RAB5C: variants seen among roughly 807,000 people sequenced by gnomAD.
RAB5C encodes the protein RAB5C, member RAS oncogene family.
Under a neutral mutation model 25.2 loss-of-function variants are expected in RAB5C, and 4 were observed. The ratio of observed to expected loss-of-function variants is 0.16; its 90% CI spans 0.08 to 0.36. The LOEUF (loss-of-function observed/expected upper bound fraction) is 0.36. RAB5C is among the 10% of genes least tolerant of loss of function. The pLI is 1.00. For missense variants in RAB5C, 199 were observed against 283.8 expected (o/e 0.70, Z 2.15); for synonymous variants, 100 against 106.4 (o/e 0.94, Z 0.37).
intron 1 of RAB5C, among the ~76,000 whole-genome samples, chr17:42,135,999 G>C (rs2054532986): frequency 6.6e-6 from 1 of 152,178 alleles, no homozygotes; most frequent in East Asian, 1.9e-4. Context: ...TCCCCTGCAG[G>C]TGCTTCTGAC....
intron 1 of RAB5C, among the ~76,000 whole-genome samples, chr17:42,143,530 A>T (rs747672478): frequency 6.6e-6 from 1 of 152,016 alleles, no homozygotes. Flanking sequence ...CCAGCTACTC[A>T]GGAGGTTGAG....
intron 1 of RAB5C, among the ~76,000 whole-genome samples, chr17:42,140,548 G>A (rs1249943763): frequency 2.5e-4 from 30 of 118,438 alleles, no homozygotes; most frequent in Non-Finnish European, 3.4e-5. Context: ...TTTTGAGATG[G>A]AGTCTCGCTC....
In RAB5C at chr17:42,131,702, A is replaced by G. The variant is rs1480881583; in HGVS notation, c.-88-1112T>C. 5 of 1,244,770 alleles carry G rather than the reference A, an allele frequency of 4.0e-6. No individual in the cohort carries two copies. The East Asian group carries it at 1.3e-4, about 32-fold the overall frequency. The allele number at this position is 1,244,770 out of a possible 1,614,324, so 77.1% of individuals were successfully genotyped here. The stretch of plus-strand genomic sequence containing the variant: ...AGAGACCAAGTCCTGCATCCCCAAC[A>G]GCTGGTGTTCCAGTCCCGACATCTG... On this transcript the variant is annotated intron_variant, in intron 1 of 5. Transcript: ENST00000346213.
rs1192003937 is a variant in RAB5C, at chr17:42,153,640, A to AC, written c.-89+1252_-89+1253insG. On this transcript the variant is annotated intron_variant, in intron 1 of 5. Transcript: ENST00000346213. ...GGCTTTCCGTCCCTTCCTCCACTGTAGATAGCAAGGGTCAGTCATGGCCTC... is the reference window on the plus strand; with the variant it reads ...GGCTTTCCGTCCCTTCCTCCACTGTACGATAGCAAGGGTCAGTCATGGCCTC... Among the ~76,000 whole-genome samples, 3 of 152,282 alleles carry AC rather than the reference A, an allele frequency of 2.0e-5. No individual in the cohort carries two copies. In the East Asian group the frequency reaches 5.8e-4, roughly 29 times the overall value.
intron 1 of RAB5C, among the ~76,000 whole-genome samples, chr17:42,146,711 T>A (rs2079637223): frequency 6.7e-6 from 1 of 148,178 alleles, no homozygotes; most frequent in Non-Finnish European, 1.5e-5. Context: ...ATGGCATCAC[T>A]GCACTCCAGC....
At chr17:42,139,724 T>C (rs559645055) in intron 1 of RAB5C, among the ~76,000 whole-genome samples, 1 of 152,276 alleles carries the variant, frequency 6.6e-6, no homozygotes, top group South Asian at 2.1e-4. Flanking sequence ...GATTCTCTAC[T>C]CCTGTCTAGG....
At chr17:42,138,351 G>C (rs927407930) in intron 1 of RAB5C, among the ~76,000 whole-genome samples, 3 of 152,194 alleles carry the variant, frequency 2.0e-5, no homozygotes, top group African/African-American at 7.2e-5. Context: ...AAGCTTAAGA[G>C]CCCAGGGTGA....
intron 1 of RAB5C, among the ~76,000 whole-genome samples, chr17:42,147,360 A>G (rs1217735300): frequency 6.6e-6 from 1 of 152,196 alleles, no homozygotes; most frequent in Non-Finnish European, 1.5e-5. Context: ...GCAGACATAC[A>G]GAACAGTATC....
At chr17:42,139,678 T>A (rs1480619896) in intron 1 of RAB5C, among the ~76,000 whole-genome samples, 2 of 152,194 alleles carry the variant, frequency 1.3e-5, no homozygotes, top group Admixed American at 1.3e-4. Flanking sequence ...GTCAGGATGG[T>A]CTCGATTTCC....
chr17:42,146,543 G>A (rs1309774943), intron 1 of RAB5C, among the ~76,000 whole-genome samples: 2 of 152,186 alleles, frequency 1.3e-5, no homozygotes, highest in Non-Finnish European at 2.9e-5. Flanking sequence ...AAAGTCAAGA[G>A]ATCAAGACCA....
In RAB5C at chr17:42,153,932, C is replaced by A. The variant is rs180955478; in HGVS notation, c.-89+961G>T. 5.9e-3 allele frequency among the ~76,000 whole-genome samples: 893 copies of A among 152,290 alleles called. 7 individuals are homozygous for A. Among genetic ancestry groups the A allele is most frequent in the African/African-American group, 0.02 (839 of 41,544 alleles). ...TGAAGGGATTGCAGACAGACCCTGG[C>A]GTGGTGTGGACCTGTTGCTCAGGGA... On this transcript the variant is annotated intron_variant, in intron 1 of 5. Transcript: ENST00000346213.
At chr17:42,146,880 C>G (rs2079638369) in intron 1 of RAB5C, among the ~76,000 whole-genome samples, 1 of 151,870 alleles carries the variant, frequency 6.6e-6, no homozygotes, top group African/African-American at 2.4e-5. Context: ...GTGGCAGGAG[C>G]CTGTAGTCCC....
chr17:42,131,497 G>T, intron 1 of RAB5C: 1 of 1,087,142 alleles, frequency 9.2e-7, no homozygotes, highest in Non-Finnish European at 1.3e-6. Flanking sequence ...CACCAAAACA[G>T]ACACCAAAAC....
chr17:42,153,214 G>A (rs1474089965), intron 1 of RAB5C, among the ~76,000 whole-genome samples: 22 of 152,232 alleles, frequency 1.4e-4, no homozygotes, highest in African/African-American at 5.3e-4. Context: ...TCAGGAGTTC[G>A]AGACCAGCCC....
Position 42,125,676 on chromosome 17 carries a change from CT to C in RAB5C, c.*106del. 1 of 733,884 alleles carries C rather than the reference CT, an allele frequency of 1.4e-6. No individual in the cohort carries two copies. Among genetic ancestry groups the C allele is most frequent in the Non-Finnish European group, 2.3e-6 (1 of 442,596 alleles). The allele number at this position is 733,884 out of a possible 1,614,324, so 45.5% of individuals were successfully genotyped here. ...GAGAAATCATGGTGGACCCCTCCCC[CT>C]GCCCCCCCAGTGGTGGCCCGAGTCG... On this transcript the variant is annotated 3_prime_UTR_variant, in exon 6 of 6. Coordinates refer to ENST00000346213, the MANE Select transcript of RAB5C (RefSeq NM_004583.4).
intron 1 of RAB5C, among the ~76,000 whole-genome samples, chr17:42,137,481 T>C (rs2144078318): frequency 6.6e-6 from 1 of 152,332 alleles, no homozygotes; most frequent in South Asian, 2.1e-4. Flanking sequence ...GCTGCTGGTA[T>C]AGAATTTTGC....
intron 3 of RAB5C, 87 bp from the exon 4 acceptor site, chr17:42,128,470 C>A: frequency 6.6e-7 from 1 of 1,506,956 alleles, no homozygotes; most frequent in Admixed American, 2.2e-5. Context: ...CTGGCACAGC[C>A]AAATTATCTA....
chr17:42,140,784 C>T (rs147420500), intron 1 of RAB5C, among the ~76,000 whole-genome samples: 172 of 152,054 alleles, frequency 1.1e-3, no homozygotes, highest in African/African-American at 3.1e-3. Context: ...CCTCAGCCTC[C>T]CAAAGTGTTG....
At chr17:42,137,746 G>A (rs2054551431) in intron 1 of RAB5C, 1 of 152,204 alleles carries the variant, frequency 6.6e-6, no homozygotes, top group Non-Finnish European at 1.5e-5. Flanking sequence ...AATTAGCTGG[G>A]CGTGGTGGCG....
Sources: gnomAD v4.1 joint callset for allele counts (sites outside exome capture counted in the v4.1 genomes callset) on GRCh38, gnomAD v4.1.1 for gene constraint, MANE v1.5 for transcripts, NCBI Gene and HGNC (gene_info 2026-07-23, HGNC 2026-07-21) for gene names.